The following PEX14 variants were observed in gnomAD, a reference collection of about 807,000 sequenced individuals.
PEX14 encodes peroxisomal biogenesis factor 14.
A neutral mutation model predicts 49.5 loss-of-function variants in PEX14; 15 were observed. That is an observed-to-expected ratio of 0.30 (90% CI 0.20 to 0.47). The LOEUF (loss-of-function observed/expected upper bound fraction) is 0.47, where lower values mean the gene tolerates loss of function less well. Among genes scored for constraint, PEX14 ranks in the 20% least tolerant of loss-of-function variants. PEX14 has a pLI of 1.00. For missense variants in PEX14, 398 were observed against 494.8 expected, an observed-to-expected ratio of 0.80 and a Z score of 1.86; for synonymous variants, 210 against 212.7, an observed-to-expected ratio of 0.99 and a Z score of 0.11.
chr1:10,545,329 CT>C lies in PEX14; in HGVS notation c.169+9036del, dbSNP rs199931626. On this transcript the variant is annotated intron_variant, in intron 3 of 8. Transcript: ENST00000356607. The stretch of plus-strand genomic sequence containing the variant: ...AAGTTTTTGTAGGGACATATAATTT[CT>C]TTTGGGTACATACTTTAGGATGGAA... 4.9e-3 allele frequency among the ~76,000 whole-genome samples: 742 copies of C among 152,194 alleles called. 8 individuals carry two copies. Among genetic ancestry groups the C allele is most frequent in the African/African-American group, 0.017 (706 of 41,532 alleles).
Position 10,621,289 on chromosome 1 carries a change from C to T in PEX14, c.385-1730C>T, listed in dbSNP as rs558689763. ...AGCGTGTCTGCTCCTGCCCTTAGGA[C>T]TTCTGATCTCAGAAATGGGGTGTTT... is the stretch of plus-strand genomic sequence containing the variant. On this transcript the variant is annotated intron_variant, in intron 5 of 8. Coordinates refer to ENST00000356607, the MANE Select transcript of PEX14 (RefSeq NM_004565.3). Among the ~76,000 whole-genome samples, 19 of 149,510 alleles carry T rather than the reference C, an allele frequency of 1.3e-4. 3 individuals carry two copies. The South Asian group carries it at 4.0e-3, about 32-fold the overall frequency.
Position 10,613,317 on chromosome 1 carries a change from G to C in PEX14, c.299-5015G>C, listed in dbSNP as rs1641323715. ...GTGAATAGTTAGGAGCTGTGGGGAT[G>C]CACCTCTCCTGCCCCCGCTCTACCA... On this transcript the variant is annotated intron_variant, in intron 4 of 8. Transcript: ENST00000356607. The surrounding 1 kb of genome is among the most constrained non-coding windows in gnomAD (Gnocchi z 5.0). Among the ~76,000 whole-genome samples, 1 of 152,206 alleles carries C rather than the reference G, an allele frequency of 6.6e-6. No individual in the cohort carries two copies. Among genetic ancestry groups the C allele is most frequent in the Admixed American group, 6.5e-5 (1 of 15,278 alleles).
rs1328088002 is a variant in PEX14 at position 10,514,997 on chromosome 1, C to T, written c.84+19676C>T. Among the ~76,000 whole-genome samples the T allele has an allele frequency of 6.6e-6, 1 of 152,144 alleles. No individual in the cohort carries two copies. Among genetic ancestry groups the T allele is most frequent in the Non-Finnish European group, 1.5e-5 (1 of 68,032 alleles). On this transcript the variant is annotated intron_variant, in intron 2 of 8. Transcript: ENST00000356607. The surrounding 1 kb of genome is among the most constrained non-coding windows in gnomAD (Gnocchi z 4.4). ...GCTTGCCACTCCCCTGCCGCCTGCC[C>T]CTGTGTAGGTGGGAAGAGAGCGCAG...
intron 1 of PEX14, among the ~76,000 whole-genome samples, chr1:10,491,317 C>T (rs924987646): frequency 6.6e-6 from 1 of 152,128 alleles, no homozygotes; most frequent in African/African-American, 2.4e-5. Flanking sequence ...TCTGGGAAGC[C>T]ATGACTTGAG....
At chr1:10,572,054 A>G (rs1276753360) in intron 3 of PEX14, among the ~76,000 whole-genome samples, 1 of 152,120 alleles carries the variant, frequency 6.6e-6, no homozygotes, top group East Asian at 1.9e-4. Context: ...CACAAGTTAG[A>G]GATTTTACTC....
intron 1 of PEX14, among the ~76,000 whole-genome samples, 182 bp downstream of exon 1, chr1:10,475,184 C>T (rs1641173204): frequency 1.3e-5 from 2 of 151,782 alleles, no homozygotes; most frequent in African/African-American, 2.4e-5. Context: ...CCCCGGTGAC[C>T]CCTCTTTGAC....
intron 3 of PEX14, chr1:10,536,583 G>A (rs1638811887): frequency 2.4e-6 from 1 of 425,406 alleles, no homozygotes; most frequent in Non-Finnish European, 4.4e-6. Flanking sequence ...GGATGAGACT[G>A]TGGAGGACTT....
At chr1:10,511,335 G>A (rs1214062979) in intron 2 of PEX14, among the ~76,000 whole-genome samples, 1 of 151,160 alleles carries the variant, frequency 6.6e-6, no homozygotes, top group African/African-American at 2.4e-5. Flanking sequence ...CTCTTTCTCT[G>A]TCCCTCCCTT....
At chr1:10,523,377 C>CT (rs990842432) in intron 2 of PEX14, among the ~76,000 whole-genome samples, 1 of 152,106 alleles carries the variant, frequency 6.6e-6, no homozygotes, top group Non-Finnish European at 1.5e-5. Context: ...TGGTTTTCTC[C>CT]TTTTTTTGAA....
chr1:10,551,013 T>C (rs1639318633), intron 3 of PEX14, among the ~76,000 whole-genome samples: 1 of 152,218 alleles, frequency 6.6e-6, no homozygotes, highest in Non-Finnish European at 1.5e-5. Flanking sequence ...TGAGTGTGGC[T>C]CTAAAGTAAA....
intron 4 of PEX14, chr1:10,616,866 A>G (rs1641436089): frequency 6.6e-6 from 1 of 152,126 alleles, no homozygotes; most frequent in South Asian, 2.1e-4. Flanking sequence ...CCTGTAGTCC[A>G]TCTGCTTGGG....
intron 4 of PEX14, among the ~76,000 whole-genome samples, chr1:10,610,542 C>T (rs552870115): frequency 2.0e-4 from 30 of 151,598 alleles, no homozygotes; most frequent in East Asian, 7.8e-4. Flanking sequence ...AGTGCAATGG[C>T]GTGATCTTGG....
At chr1:10,541,846 G>A (rs138806606) in intron 3 of PEX14, among the ~76,000 whole-genome samples, 60 of 152,290 alleles carry the variant, frequency 3.9e-4, no homozygotes, top group African/African-American at 1.4e-3. Flanking sequence ...CATTCAGAGC[G>A]GGAGCTGATA....
At chr1:10,547,284 A>G (rs1322770929) in intron 3 of PEX14, among the ~76,000 whole-genome samples, 1 of 152,216 alleles carries the variant, frequency 6.6e-6, no homozygotes, top group South Asian at 2.1e-4. Context: ...CTGCCTGCCC[A>G]TCTGCTGATA....
At chr1:10,568,865 A>G (rs2124545840) in intron 3 of PEX14, among the ~76,000 whole-genome samples, 1 of 152,046 alleles carries the variant, frequency 6.6e-6, no homozygotes, top group Non-Finnish European at 1.5e-5. Context: ...TCAGCCTCCC[A>G]AGTAGCTGGG....
chr1:10,573,757 G>A lies in PEX14; in HGVS notation c.170-25481G>A, dbSNP rs544947211. Among the ~76,000 whole-genome samples the A allele has an allele frequency of 2.6e-5, 4 of 152,204 alleles. No homozygotes were observed. In the South Asian group the frequency reaches 8.3e-4, roughly 32 times the overall value. ...AGACATAAACCCAAGAGAAATGGGT[G>A]GATCTATCCATAAAAAGACATGTAG... On this transcript the variant is annotated intron_variant, in intron 3 of 8. Coordinates refer to ENST00000356607, the MANE Select transcript of PEX14 (RefSeq NM_004565.3).
chr1:10,599,348 C>G lies in PEX14; in HGVS notation c.280C>G (p.Leu94Val), dbSNP rs1640920477. Residue 94 changes from leucine (L) to valine (V), a missense_variant, in exon 4 of 9, where the codon CTC becomes GTC. Leu to Val is a conservative substitution (Grantham distance 32). Around this residue, in one of 3 missense-constraint regions of PEX14, gnomAD observed 202 missense variants for 298.5 expected, o/e 0.68. Coordinates refer to ENST00000356607, the MANE Select transcript of PEX14 (RefSeq NM_004565.3). ...GGTGGTTCCTGTCCAGCCCCCTCAC[C>G]TCATATCTCAGCCATACAGTAAGTC... The part of the protein sequence containing the change: ...TQVVPVQPPH[L>V]ISQPYSPAGS... 6.2e-7 allele frequency: 1 copy of G among 1,614,180 alleles called. No individual in the cohort carries two copies. Among genetic ancestry groups the G allele is most frequent in the Non-Finnish European group, 8.5e-7 (1 of 1,180,030 alleles).
chr1:10,577,395 TCAAAAAAAAAAAAC>T lies in PEX14; in HGVS notation c.170-21821_170-21808del, dbSNP rs1439663165. ...CTGGGTGACAAAGTAATACTCTGTCTCAAAAAAAAAAAACCAAAAAAAAAAAACCAAAAAACAAT... is the reference window on the plus strand; with the variant it reads ...CTGGGTGACAAAGTAATACTCTGTCTCAAAAAAAAAAAACCAAAAAACAAT... On this transcript the variant is annotated intron_variant, in intron 3 of 8. Transcript: ENST00000356607. 2.9e-3 allele frequency among the ~76,000 whole-genome samples: 62 copies of T among 21,686 alleles called. 2 individuals are homozygous for T. Among genetic ancestry groups the T allele is most frequent in the South Asian group, 7.1e-3 (3 of 420 alleles). The allele number at this position is 21,686 out of a possible 152,430, so 14.2% of individuals were successfully genotyped here.
chr1:10,499,914 C>T, intron 2 of PEX14, among the ~76,000 whole-genome samples: 1 of 152,134 alleles, frequency 6.6e-6, no homozygotes, highest in East Asian at 1.9e-4. Flanking sequence ...AAAGTGCCCT[C>T]AGGTTTCTTC....
Sources: allele counts gnomAD v4.1 joint callset (sites outside exome capture counted in the v4.1 genomes callset), GRCh38; gene constraint gnomAD v4.1.1; regional missense constraint gnomAD v4.1.1; non-coding constraint Gnocchi (gnomAD v3.1); transcripts MANE v1.5; gene names NCBI Gene and HGNC (gene_info 2026-07-23, HGNC 2026-07-21).